The following FAF1 variants were observed in gnomAD, a reference collection of about 807,000 sequenced individuals.
FAF1 encodes FAS-associated factor 1.
Under a neutral mutation model 92.5 loss-of-function variants are expected in FAF1, and 25 were observed. That is an observed-to-expected ratio of 0.27 (90% CI 0.20 to 0.38). The LOEUF (loss-of-function observed/expected upper bound fraction) is 0.38. Among genes scored for constraint, FAF1 ranks in the 10% least tolerant of loss-of-function variants. FAF1 has a pLI of 1.00. For missense variants in FAF1, 636 were observed against 793.3 expected, an observed-to-expected ratio of 0.80 and a Z score of 2.38; for synonymous variants, 234 against 273.2, an observed-to-expected ratio of 0.86 and a Z score of 1.42.
At chr1:50,905,758 T>C (rs561934225) in intron 1 of FAF1, among the ~76,000 whole-genome samples, 1 of 152,204 alleles carries the variant, frequency 6.6e-6, no homozygotes, top group Non-Finnish European at 1.5e-5. Context: ...GTTTAAGTTC[T>C]TTGTAGATTC....
intron 1 of FAF1, among the ~76,000 whole-genome samples, chr1:50,939,634 C>T (rs559868372): frequency 2.6e-5 from 4 of 152,226 alleles, no homozygotes; most frequent in Admixed American, 2.6e-4. Flanking sequence ...AGCTTTTGCC[C>T]ATTAAGTATG....
chr1:50,643,630 T>A (rs1006279842), intron 8 of FAF1, among the ~76,000 whole-genome samples: 3 of 152,216 alleles, frequency 2.0e-5, no homozygotes, highest in African/African-American at 7.2e-5. Flanking sequence ...TCTCACTCTG[T>A]CACCCAGGCT....
intron 13 of FAF1, among the ~76,000 whole-genome samples, chr1:50,552,927 G>C (rs1293570421): frequency 5.3e-5 from 8 of 152,010 alleles, no homozygotes; most frequent in Non-Finnish European, 1.2e-4. Context: ...AAGAGAGAGA[G>C]AAAAAAGAGA....
chr1:50,594,785 C>T (rs1039711302), intron 9 of FAF1, among the ~76,000 whole-genome samples: 7 of 150,672 alleles, frequency 4.6e-5, no homozygotes, highest in Admixed American at 2.0e-4. Context: ...GCAGGACAAT[C>T]GCTTGAACCT....
intron 15 of FAF1, 127 bp from the exon 16 acceptor site, chr1:50,491,928 G>A: frequency 7.5e-6 from 5 of 666,052 alleles, no homozygotes; most frequent in Non-Finnish European, 1.3e-5. Flanking sequence ...GACTTTTAAA[G>A]TGTATAGGAC....
intron 8 of FAF1, among the ~76,000 whole-genome samples, chr1:50,606,522 G>A (rs569277069): frequency 6.8e-5 from 8 of 117,314 alleles, no homozygotes; most frequent in Admixed American, 4.9e-4. Context: ...TTTTTGAGAC[G>A]GAGTTTCACT....
intron 8 of FAF1, among the ~76,000 whole-genome samples, chr1:50,614,022 G>C (rs1214194821): frequency 6.6e-6 from 1 of 151,968 alleles, no homozygotes; most frequent in Non-Finnish European, 1.5e-5. Flanking sequence ...GCTTGAACCT[G>C]AGAGGTGGAG....
intron 1 of FAF1, among the ~76,000 whole-genome samples, chr1:50,861,551 G>C (rs1050410807): frequency 4.0e-5 from 6 of 151,798 alleles, no homozygotes; most frequent in African/African-American, 1.5e-4. Context: ...ACTCCAAAAT[G>C]TGGCAGGGTA....
intron 2 of FAF1, among the ~76,000 whole-genome samples, chr1:50,823,922 G>A (rs945423710): frequency 2.0e-5 from 3 of 152,038 alleles, no homozygotes; most frequent in Non-Finnish European, 4.4e-5. Flanking sequence ...ACTTGTGACA[G>A]GAGATAAAAA....
chr1:50,862,197 T>C (rs1217987894), intron 1 of FAF1, among the ~76,000 whole-genome samples: 2 of 151,410 alleles, frequency 1.3e-5, no homozygotes, highest in Non-Finnish European at 2.9e-5. Flanking sequence ...ATGTAAAGTA[T>C]GCAGAGAACC....
intron 6 of FAF1, among the ~76,000 whole-genome samples, chr1:50,719,423 G>T (rs987569624): frequency 5.9e-5 from 9 of 152,046 alleles, no homozygotes; most frequent in African/African-American, 1.9e-4. Context: ...TTCTTTGCTG[G>T]CAATTAAACA....
chr1:50,728,030 T>A (rs1406934782), intron 6 of FAF1, among the ~76,000 whole-genome samples: 10 of 152,204 alleles, frequency 6.6e-5, no homozygotes, highest in Non-Finnish European at 1.2e-4. Context: ...TGTGATTGTG[T>A]GAGTTAATTC....
In FAF1 at chr1:50,654,971, C is replaced by CTT. The variant is rs569202434; in HGVS notation, c.744+469_744+470dup. Among the ~76,000 whole-genome samples, 465 of 137,850 alleles carry CTT rather than the reference C, an allele frequency of 3.4e-3. 5 individuals are homozygous for CTT. Among genetic ancestry groups the CTT allele is most frequent in the South Asian group, 7.2e-3 (31 of 4,288 alleles). The allele number at this position is 137,850 out of a possible 152,430, so 90.4% of individuals were successfully genotyped here. A position where few individuals can be genotyped will look rare whatever the true frequency, so the allele number is the denominator to read the frequency against. The stretch of plus-strand genomic sequence containing the variant: ...TCACATTGCTTGGTTTTAGATATTT[C>CTT]TTTTTTTTTTTTTTTTGAGATGGAG... On this transcript the variant is annotated intron_variant, in intron 8 of 18. Transcript: ENST00000396153.
At chr1:50,787,721 A>AT (rs375740495) in intron 4 of FAF1, among the ~76,000 whole-genome samples, 1 of 152,304 alleles carries the variant, frequency 6.6e-6, no homozygotes, top group South Asian at 2.1e-4. Context: ...TGATTAGGGT[A>AT]TTTTTTTAAA....
intron 8 of FAF1, among the ~76,000 whole-genome samples, chr1:50,619,216 G>A (rs369496662): frequency 6.6e-6 from 1 of 152,154 alleles, no homozygotes; most frequent in East Asian, 1.9e-4. Flanking sequence ...TTTTAAGTGA[G>A]GCGTTTAGCC....
chr1:50,705,619 T>C (rs186256718), intron 7 of FAF1, among the ~76,000 whole-genome samples, 167 bp downstream of exon 7: 1 of 152,318 alleles, frequency 6.6e-6, no homozygotes, highest in Admixed American at 6.5e-5. Context: ...GGTCAAGTCA[T>C]TTAGTATATC....
chr1:50,803,034 G>A (rs987683908), intron 2 of FAF1, among the ~76,000 whole-genome samples: 5 of 152,152 alleles, frequency 3.3e-5, no homozygotes, highest in African/African-American at 1.2e-4. Flanking sequence ...GATTAACATA[G>A]ACAATAGATA....
intron 1 of FAF1, among the ~76,000 whole-genome samples, chr1:50,875,700 C>G (rs748717478): frequency 1.3e-5 from 2 of 152,148 alleles, no homozygotes; most frequent in Non-Finnish European, 2.9e-5. Flanking sequence ...ATCCACCCCC[C>G]TCGGCCTTCC....
chr1:50,693,706 C>G (rs1190680679), intron 7 of FAF1, among the ~76,000 whole-genome samples: 1 of 151,944 alleles, frequency 6.6e-6, no homozygotes, highest in Non-Finnish European at 1.5e-5. Flanking sequence ...CAACCCTGAG[C>G]CCTTTAAGTA....
Sources: allele counts gnomAD v4.1 joint callset (sites outside exome capture counted in the v4.1 genomes callset), GRCh38; gene constraint gnomAD v4.1.1; transcripts MANE v1.5; gene names NCBI Gene and HGNC (gene_info 2026-07-23, HGNC 2026-07-21).